Variants in OFD1 observed in about 807,000 individuals in gnomAD.
The protein encoded by OFD1 is centriole and centriolar satellite protein OFD1.
OFD1 carries 12 observed loss-of-function variants against 81.4 expected under a neutral mutation model. The observed-to-expected ratio is 0.15, with a 90% CI of 0.09 to 0.24. The LOEUF is 0.24. Ranked by LOEUF, OFD1 falls within the 10% of genes least tolerant of loss-of-function variation. The pLI, the probability that OFD1 is intolerant of heterozygous loss-of-function variation, is 1.00. For synonymous variants in OFD1, 256 were observed against 263.7 expected (o/e 0.97, Z 0.28); for missense variants, 685 against 733.9 (o/e 0.93, Z 0.77).
At chrX:13,716,800 C>CTG in the OFD1 span, 1 of 706,461 alleles carries the variant, frequency 1.4e-6, no homozygotes. Flanking sequence ...TGCTTTTATA[C>CTG]TTTGTTATTG....
At chrX:13,769,844 C>G (rs1016231435), downstream of OFD1, among the ~76,000 whole-genome samples, 2 of 111,691 alleles carry the variant, frequency 1.8e-5, no homozygotes, top group African/African-American at 3.3e-5. Flanking sequence ...CACCAGACAT[C>G]GAACCTGCCA....
the OFD1 span, among the ~76,000 whole-genome samples, chrX:13,717,980 T>C: frequency 3.0e-4 from 34 of 111,524 alleles, 1 homozygote; most frequent in South Asian, 0.012. Flanking sequence ...GGGAGAAAAA[T>C]GCCACATGAA....
At chrX:13,732,194 A>G (rs1255605292), upstream of OFD1, among the ~76,000 whole-genome samples, 1 of 111,825 alleles carries the variant, frequency 8.9e-6, no homozygotes, top group Non-Finnish European at 1.9e-5. Flanking sequence ...GAAGGTACTC[A>G]GTTCTGGGAA....
intron 5 of OFD1, among the ~76,000 whole-genome samples, chrX:13,741,610 G>A (rs1326362313): frequency 8.9e-6 from 1 of 112,186 alleles, no homozygotes; most frequent in African/African-American, 3.2e-5. Flanking sequence ...AACAGGCTTT[G>A]TGTGAGGAAC....
Position 13,762,434 on chromosome X carries a change from A to G in OFD1, c.2478A>G (p.Ser826=). Residue 826 remains serine, a synonymous_variant, in exon 18 of 23, where the codon TCA becomes TCG. Coordinates refer to ENST00000340096, the MANE Select transcript of OFD1 (RefSeq NM_003611.3). ...TTAAGGATAATGAGGAGTTTGAATC[A>G]TCTTTTGAATGTAAGTTCAAATATA... ...LAFKDNEEFE[S]SFESAGNMPR... 8.8e-7 allele frequency: 1 copy of G among 1,135,276 alleles called. No individual in the cohort carries two copies. The highest frequency in any genetic ancestry group is 3.0e-5 in the East Asian group (1 of 33,551). 93.6% of individuals were successfully genotyped at this position (1,135,276 alleles called of 1,213,427 possible).
chrX:13,750,759 G>A (rs971548812), intron 9 of OFD1, among the ~76,000 whole-genome samples: 12 of 111,936 alleles, frequency 1.1e-4, no homozygotes, highest in Non-Finnish European at 2.1e-4. Flanking sequence ...TTATAGGTGC[G>A]GGCCACCACA....
intron 17 of OFD1, among the ~76,000 whole-genome samples, chrX:13,761,650 T>TG (rs1477029393): frequency 1.8e-5 from 2 of 112,515 alleles, no homozygotes; most frequent in African/African-American, 6.5e-5. Flanking sequence ...GATAAGGTTC[T>TG]GACCTGCATA....
intron 9 of OFD1, 31 bp from the exon 10 acceptor site, chrX:13,751,218 T>G: frequency 2.5e-6 from 3 of 1,195,162 alleles, no homozygotes; most frequent in East Asian, 5.9e-5. Flanking sequence ...TATGGTAGTT[T>G]ATTTACTTTT....
the OFD1 span, chrX:13,721,837 T>C: frequency 9.1e-6 from 1 of 110,447 alleles, no homozygotes; most frequent in Non-Finnish European, 1.9e-5. Context: ...CCCATCATTT[T>C]GCGACCATCT....
Position 13,746,453 on chromosome X carries a change from A to G in OFD1, c.652A>G (p.Lys218Glu). 1 of 1,209,319 alleles carries G rather than the reference A, an allele frequency of 8.3e-7. No homozygotes were observed. Among genetic ancestry groups the G allele is most frequent in the Non-Finnish European group, 1.1e-6 (1 of 893,145 alleles). Residue 218 changes from lysine (K) to glutamate (E), a missense_variant and splice_region_variant, in exon 7 of 23, where the codon AAG becomes GAG. Physicochemically the swap from Lys to Glu is moderately conservative, Grantham distance 56. Transcript: ENST00000340096. ...EEQLRAEMCQ[K>E]LKFFKDTEIA... ...GCAACTTCGGGCAGAAATGTGTCAA[A>G]AGGTAAGCTTTATCTTGTTACTGTA... is the stretch of plus-strand genomic sequence containing the variant.
rs1336486575 is a variant in OFD1, at chrX:13,753,408, A to G, written c.1096A>G (p.Asn366Asp). ...ELKDDYIIRT[N>D]RLIEDERKNK... The stretch of plus-strand genomic sequence containing the variant: ...GAAGGATGACTACATCATTAGAACT[A>G]ATCGACTGATTGAAGATGAAAGGAA... Residue 366 changes from asparagine (N) to aspartate (D), a missense_variant, in exon 11 of 23, where the codon AAT (asparagine) becomes GAT (aspartate). Physicochemically the swap from Asn to Asp is conservative, Grantham distance 23. Around this residue, in one of 3 missense-constraint regions of OFD1, gnomAD observed 414 missense variants for 447.2 expected, o/e 0.93. Coordinates refer to ENST00000340096, the MANE Select transcript of OFD1 (RefSeq NM_003611.3). 1.7e-6 allele frequency: 2 copies of G among 1,207,675 alleles called. No homozygotes were observed. Among genetic ancestry groups the G allele is most frequent in the South Asian group, 3.5e-5 (2 of 56,723 alleles).
downstream of OFD1, among the ~76,000 whole-genome samples, chrX:13,769,651 G>A (rs922443435): frequency 4.4e-4 from 47 of 107,623 alleles, no homozygotes; most frequent in African/African-American, 1.4e-3. Flanking sequence ...AAACCCCCCC[G>A]TGTGATAGAA....
Position 13,746,896 on chromosome X carries a change from T to G in OFD1, c.771T>G (p.Ser257=). ...NDFEKACQAK[S]EALVLREKST... ...TTGAAAAAGCTTGTCAAGCAAAATC[T>G]GAAGCTCTCGTTCTTCGGGAAAAGA... The change falls in exon 8 of 23, where the codon TCT becomes TCG. Residue 257 remains serine (S), a synonymous_variant. Coordinates refer to ENST00000340096, the MANE Select transcript of OFD1 (RefSeq NM_003611.3). 1 of 1,211,126 alleles carries G rather than the reference T, an allele frequency of 8.3e-7. No homozygotes were observed. Among genetic ancestry groups the G allele is most frequent in the South Asian group, 1.8e-5 (1 of 57,000 alleles).
At position 13,751,477 on chromosome X, in the gene OFD1, A is replaced by G. The variant is rs1478940068; in HGVS notation, c.1055+109A>G. ...ACTTAGGCAAACTTTAGTGTTTGAA[A>G]AAAAAAAAACATAGTTTTATCGATA... is the stretch of plus-strand genomic sequence containing the variant. On this transcript the variant is annotated intron_variant, in intron 10 of 22. Coordinates refer to ENST00000340096, the MANE Select transcript of OFD1 (RefSeq NM_003611.3). The G allele has an allele frequency of 6.5e-6, 4 of 615,957 alleles. No individual in the cohort carries two copies. The East Asian group carries it at 1.5e-4, about 23-fold the overall frequency. 50.8% of individuals were successfully genotyped at this position (615,957 alleles called of 1,213,427 possible).
the OFD1 span, among the ~76,000 whole-genome samples, chrX:13,724,589 G>A: frequency 4.4e-4 from 49 of 111,454 alleles, no homozygotes; most frequent in South Asian, 3.7e-4. Flanking sequence ...GGCAGGCTGC[G>A]AACCTCAAGA....
chrX:13,759,969 T>C lies in OFD1; in HGVS notation c.1655-146T>C, dbSNP rs1261610459. On this transcript the variant is annotated intron_variant, in intron 15 of 22. Coordinates refer to ENST00000340096, the MANE Select transcript of OFD1 (RefSeq NM_003611.3). ...ATAAGCTCTCAGTAAATGTTAGTGG[T>C]TATCGTTACCATGGCTTCAGAAACT... 7.5e-6 allele frequency: 5 copies of C among 662,785 alleles called. No individual in the cohort carries two copies. In the East Asian group the frequency reaches 1.7e-4, roughly 23 times the overall value. 54.6% of individuals were successfully genotyped at this position (662,785 alleles called of 1,213,427 possible). A position where few individuals can be genotyped will look rare whatever the true frequency, so the allele number is the denominator to read the frequency against.
chrX:13,756,822 A>G (rs962082185), intron 13 of OFD1, 55 bp downstream of exon 13: 1 of 904,093 alleles, frequency 1.1e-6, no homozygotes, highest in Non-Finnish European at 1.6e-6. Flanking sequence ...GCATTAGGTC[A>G]GTATTATAAA....
At chrX:13,734,375 C>G (rs2046759934), upstream of OFD1, 3 of 297,258 alleles carry the variant, frequency 1.0e-5, no homozygotes, top group Middle Eastern at 9.5e-4. Context: ...AAGGGCTGCG[C>G]GGATGAGCCA....
chrX:13,754,183 G>A (rs1205204328), intron 11 of OFD1, among the ~76,000 whole-genome samples: 6 of 110,758 alleles, frequency 5.4e-5, no homozygotes, highest in Admixed American at 9.6e-5. Context: ...GGGTCTCAGC[G>A]TGTTAGCCAG....
Sources: gnomAD v4.1 joint callset for allele counts (sites outside exome capture counted in the v4.1 genomes callset) on GRCh38, gnomAD v4.1.1 for gene constraint, gnomAD v4.1.1 regional missense constraint, MANE v1.5 for transcripts, NCBI Gene and HGNC (gene_info 2026-07-23, HGNC 2026-07-21) for gene names.